Variants in PEBP4 observed in about 807,000 individuals in gnomAD.
The protein encoded by PEBP4 is phosphatidylethanolamine binding protein 4, also known as phosphatidylethanolamine-binding protein 4.
In PEBP4, 22 loss-of-function variants were observed where a neutral mutation model predicts 23.9. That is an observed-to-expected ratio of 0.92 (90% CI 0.66 to 1.31). PEBP4 has a LOEUF of 1.31. PEBP4 is among the 40% of genes most tolerant of loss of function. The pLI, the probability that PEBP4 is intolerant of heterozygous loss-of-function variation, is 0.00. For missense variants in PEBP4, 324 were observed against 281.7 expected (o/e 1.15, Z -1.07); for synonymous variants, 112 against 99.3 (o/e 1.13, Z -0.76).
chr8:22,781,539 C>T (rs904373337), intron 4 of PEBP4, among the ~76,000 whole-genome samples: 7 of 152,172 alleles, frequency 4.6e-5, no homozygotes, highest in Admixed American at 2.6e-4. Flanking sequence ...CCTTTTCTCC[C>T]GTTCCCTAGG....
At chr8:22,795,163 A>ATATATATATTTTTTTT (rs1563218555) in intron 4 of PEBP4, among the ~76,000 whole-genome samples, 1 of 47,346 alleles carries the variant, frequency 2.1e-5, no homozygotes, top group African/African-American at 1.0e-4. Flanking sequence ...ATATATATAT[A>ATATATATATTTTTTTT]TTTTTTTTTT....
intron 3 of PEBP4, among the ~76,000 whole-genome samples, chr8:22,905,429 T>G (rs1177733728): frequency 6.6e-6 from 1 of 152,244 alleles, no homozygotes; most frequent in East Asian, 1.9e-4. Context: ...GCAATTAAAG[T>G]GCAGAGTTTC....
At chr8:22,807,825 C>T (rs1263284139) in intron 4 of PEBP4, among the ~76,000 whole-genome samples, 1 of 151,996 alleles carries the variant, frequency 6.6e-6, no homozygotes, top group East Asian at 1.9e-4. Flanking sequence ...ATCCATCTAC[C>T]CAGTCTCTAT....
chr8:22,864,010 C>A (rs988869129), intron 3 of PEBP4, among the ~76,000 whole-genome samples: 1 of 152,214 alleles, frequency 6.6e-6, no homozygotes, highest in Non-Finnish European at 1.5e-5. Flanking sequence ...CTCCTCACAG[C>A]CACCAGAATG....
intron 1 of PEBP4, among the ~76,000 whole-genome samples, chr8:22,941,044 G>T (rs191058853): frequency 6.6e-6 from 1 of 152,206 alleles, no homozygotes; most frequent in East Asian, 1.9e-4. Flanking sequence ...CAGAGCCAGC[G>T]GATGTTGAGA....
chr8:22,819,208 C>G (rs118134986), intron 3 of PEBP4, among the ~76,000 whole-genome samples: 2,014 of 152,090 alleles, frequency 0.013, 46 homozygotes, highest in East Asian at 0.069. Flanking sequence ...AGGGGAGAAT[C>G]AGGGAAAGGG....
rs1805922384 is a variant in PEBP4, at chr8:22,791,458, T to C, written c.357+26179A>G. 5.3e-5 allele frequency among the ~76,000 whole-genome samples: 8 copies of C among 152,344 alleles called. No homozygotes were observed. The South Asian group carries it at 1.7e-3, about 32-fold the overall frequency. On this transcript the variant is annotated intron_variant, in intron 4 of 6. Transcript: ENST00000256404. ...TTTATTTGTGACACCATCCAAATTC[T>C]ATTTTATTGGAATCCTCTTCTCCAA...
At chr8:22,788,423 G>C (rs529928568) in intron 4 of PEBP4, among the ~76,000 whole-genome samples, 124 of 152,358 alleles carry the variant, frequency 8.1e-4, no homozygotes, top group African/African-American at 3.0e-3. Context: ...AGGTGACGCA[G>C]GGAGGGAAGG....
chr8:22,897,898 G>A (rs939282604), intron 3 of PEBP4: 8 of 152,028 alleles, frequency 5.3e-5, no homozygotes, highest in Middle Eastern at 3.2e-3. Context: ...ATAAGGGTGG[G>A]GCCTTTATGA....
intron 6 of PEBP4, among the ~76,000 whole-genome samples, chr8:22,715,973 C>T (rs1309502102): frequency 6.6e-6 from 1 of 152,122 alleles, no homozygotes; most frequent in East Asian, 1.9e-4. Context: ...AGTCCGCGGC[C>T]AGGCAGGAAA....
At chr8:22,765,764 A>G (rs1337540298) in intron 4 of PEBP4, among the ~76,000 whole-genome samples, 1 of 152,244 alleles carries the variant, frequency 6.6e-6, no homozygotes, top group African/African-American at 2.4e-5. Flanking sequence ...CTCCACAGAG[A>G]GAGATCACCA....
intron 2 of PEBP4, chr8:22,925,295 T>G: frequency 1.0e-6 from 1 of 985,394 alleles, no homozygotes; most frequent in Non-Finnish European, 1.2e-6. Context: ...CTGGGAGTCC[T>G]GAGAATGGGC....
chr8:22,790,433 G>A (rs1329516664), intron 4 of PEBP4, among the ~76,000 whole-genome samples: 1 of 152,192 alleles, frequency 6.6e-6, no homozygotes, highest in Non-Finnish European at 1.5e-5. Context: ...TACATCGGTG[G>A]GATTTGAACC....
chr8:22,865,422 C>T lies in PEBP4; in HGVS notation c.259-47687G>A, dbSNP rs1807870048. Among the ~76,000 whole-genome samples the T allele has an allele frequency of 6.6e-6, 1 of 151,916 alleles. No homozygotes were observed. The highest frequency in any genetic ancestry group is 1.5e-5 in the Non-Finnish European group (1 of 67,916). On this transcript the variant is annotated intron_variant, in intron 3 of 6. Transcript: ENST00000256404. The surrounding 1 kb of genome is among the most constrained non-coding windows in gnomAD (Gnocchi z 6.9). ...CGGGCCTGGCTGCGCGCTCCACCTGCGCCTCCAGGGCGTTGGGCGGGGGCC... is the reference window on the plus strand; with the variant it reads ...CGGGCCTGGCTGCGCGCTCCACCTGTGCCTCCAGGGCGTTGGGCGGGGGCC...
intron 4 of PEBP4, among the ~76,000 whole-genome samples, chr8:22,810,669 G>GGTGTGTGTGTGT (rs60078589): frequency 8.3e-4 from 107 of 129,194 alleles, no homozygotes; most frequent in African/African-American, 2.0e-3. Context: ...CTCATGGAGG[G>GGTGTGTGTGTGT]GTGTGTGTGT....
At chr8:22,857,241 TACACACACAC>T (rs35324307) in intron 3 of PEBP4, among the ~76,000 whole-genome samples, 38 of 148,122 alleles carry the variant, frequency 2.6e-4, no homozygotes, top group Non-Finnish European at 5.2e-4. Flanking sequence ...AAATGAAACC[TACACACACAC>T]ACACACACAC....
intron 4 of PEBP4, among the ~76,000 whole-genome samples, chr8:22,802,548 C>T (rs751787886): frequency 3.9e-5 from 6 of 152,250 alleles, no homozygotes; most frequent in African/African-American, 7.2e-5. Flanking sequence ...ACACTGGTTC[C>T]AACCACAGGT....
intron 3 of PEBP4, among the ~76,000 whole-genome samples, chr8:22,818,221 G>T (rs1182041627): frequency 6.6e-6 from 1 of 152,208 alleles, no homozygotes; most frequent in Non-Finnish European, 1.5e-5. Context: ...CCTACTGTGT[G>T]CCAGAAGCTG....
At chr8:22,901,519 A>G (rs1003290031) in intron 3 of PEBP4, among the ~76,000 whole-genome samples, 6 of 146,396 alleles carry the variant, frequency 4.1e-5, no homozygotes, top group African/African-American at 1.5e-4. Context: ...GTCCACCTAA[A>G]GTCATCTTTA....
Sources: gnomAD v4.1 joint callset for allele counts (sites outside exome capture counted in the v4.1 genomes callset) on GRCh38, gnomAD v4.1.1 for gene constraint, Gnocchi (gnomAD v3.1) non-coding constraint, MANE v1.5 for transcripts, NCBI Gene and HGNC (gene_info 2026-07-23, HGNC 2026-07-21) for gene names.